Variants in FGD4 observed in about 807,000 individuals in gnomAD.
The protein encoded by FGD4 is FYVE, RhoGEF and PH domain containing 4.
Under a neutral mutation model 102.0 loss-of-function variants are expected in FGD4, and 42 were observed. The observed-to-expected ratio is 0.41, with a 90% CI of 0.32 to 0.53. The LOEUF is 0.53. Among genes scored for constraint, FGD4 ranks in the 20% least tolerant of loss-of-function variants. FGD4 has a pLI of 0.21. For missense variants in FGD4, 902 were observed against 1,078.2 expected, an observed-to-expected ratio of 0.84 and a Z score of 2.29; for synonymous variants, 380 against 375.7, an observed-to-expected ratio of 1.01 and a Z score of -0.13.
chr12:32,494,250 G>A (rs1937645867), intron 1 of FGD4, among the ~76,000 whole-genome samples: 1 of 152,024 alleles, frequency 6.6e-6, no homozygotes, highest in Non-Finnish European at 1.5e-5. Context: ...ATGAGATCTC[G>A]CTATGTTGTC....
At chr12:32,534,457 GATTA>G (rs1284111129) in intron 1 of FGD4, 21 of 1,525,204 alleles carry the variant, frequency 1.4e-5, no homozygotes, top group East Asian at 2.5e-5. Context: ...AACCAGAGTA[GATTA>G]ATTATCAGTA....
intron 1 of FGD4, among the ~76,000 whole-genome samples, chr12:32,539,570 A>T (rs367790935): frequency 7.5e-6 from 1 of 132,660 alleles, no homozygotes; most frequent in South Asian, 3.0e-4. Context: ...ACTCTGTCTC[A>T]GGGGGGAAAA....
At chr12:32,423,591 C>CAAAAAA (rs35872227) in intron 1 of FGD4, among the ~76,000 whole-genome samples, 1 of 72,888 alleles carries the variant, frequency 1.4e-5, no homozygotes, top group Non-Finnish European at 3.2e-5. Flanking sequence ...GACTTCATCT[C>CAAAAAA]AAAAAAAAAA....
intron 1 of FGD4, among the ~76,000 whole-genome samples, chr12:32,431,593 G>A (rs1002447752): frequency 8.6e-5 from 13 of 151,802 alleles, no homozygotes; most frequent in Non-Finnish European, 1.6e-4. Flanking sequence ...CCCTCAACCT[G>A]TCCCCAACAA....
chr12:32,564,038 G>GGAGA, intron 1 of FGD4, 99 bp from the exon 2 acceptor site: 5 of 1,115,416 alleles, frequency 4.5e-6, no homozygotes, highest in Non-Finnish European at 6.2e-6. Flanking sequence ...GGAGGGGGAG[G>GGAGA]GGGAGGGAGA....
chr12:32,554,812 G>A (rs1040384648), intron 1 of FGD4, among the ~76,000 whole-genome samples: 6 of 152,214 alleles, frequency 3.9e-5, no homozygotes, highest in African/African-American at 1.4e-4. Flanking sequence ...TAGTTTGCTC[G>A]GCCTGTTGGA....
chr12:32,427,825 T>C (rs1941899610), intron 1 of FGD4, among the ~76,000 whole-genome samples: 1 of 152,238 alleles, frequency 6.6e-6, no homozygotes, highest in Non-Finnish European at 1.5e-5. Flanking sequence ...AATGGCCTTC[T>C]TTGTCTCTCT....
intron 1 of FGD4, among the ~76,000 whole-genome samples, chr12:32,441,334 G>A (rs76828179): frequency 0.08 from 12,187 of 152,000 alleles, 590 homozygotes; most frequent in Middle Eastern, 0.12. Context: ...GTTATTCAGC[G>A]TCTAAAGTCT....
At chr12:32,438,047 A>G (rs1942292853) in intron 1 of FGD4, among the ~76,000 whole-genome samples, 1 of 152,182 alleles carries the variant, frequency 6.6e-6, no homozygotes, top group African/African-American at 2.4e-5. Flanking sequence ...ATACGCCATC[A>G]TGTCCGGGTA....
intron 8 of FGD4, among the ~76,000 whole-genome samples, chr12:32,610,176 G>T (rs79658571): frequency 0.011 from 1,733 of 152,268 alleles, 14 homozygotes; most frequent in South Asian, 0.054. Flanking sequence ...TTTAAATCTG[G>T]CCCTTCAATA....
At chr12:32,431,778 A>G (rs575049188) in intron 1 of FGD4, among the ~76,000 whole-genome samples, 1 of 152,190 alleles carries the variant, frequency 6.6e-6, no homozygotes, top group South Asian at 2.1e-4. Context: ...GTCTTAAAAA[A>G]AAAAAAAGAA....
At chr12:32,473,653 C>G (rs1246643713) in intron 1 of FGD4, among the ~76,000 whole-genome samples, 1 of 152,168 alleles carries the variant, frequency 6.6e-6, no homozygotes, top group Non-Finnish European at 1.5e-5. Flanking sequence ...CCGGACACAC[C>G]TGGGTGCAGC....
chr12:32,432,226 A>ATT (rs1312715829), intron 1 of FGD4, among the ~76,000 whole-genome samples: 2 of 151,362 alleles, frequency 1.3e-5, no homozygotes, highest in Non-Finnish European at 3.0e-5. Context: ...TGCCCAGCTA[A>ATT]TTTTTTGTAT....
At chr12:32,410,553 A>C (rs771508793) in intron 1 of FGD4, among the ~76,000 whole-genome samples, 1 of 152,144 alleles carries the variant, frequency 6.6e-6, no homozygotes, top group Non-Finnish European at 1.5e-5. Context: ...TCGGTTCTTG[A>C]ATTGCAGTTG....
At chr12:32,481,895 T>C (rs1943777139) in intron 1 of FGD4, among the ~76,000 whole-genome samples, 1 of 152,136 alleles carries the variant, frequency 6.6e-6, no homozygotes, top group African/African-American at 2.4e-5. Flanking sequence ...ATGTTTCAAG[T>C]GCTCATGTGG....
intron 1 of FGD4, among the ~76,000 whole-genome samples, chr12:32,412,899 A>ATTTGTTTT (rs1941263215): frequency 1.1e-5 from 1 of 87,020 alleles, no homozygotes; most frequent in South Asian, 4.1e-4. Context: ...TTTTCTAGAA[A>ATTTGTTTT]TTTTTTTTTT....
intron 1 of FGD4, among the ~76,000 whole-genome samples, chr12:32,534,899 G>A (rs1049805553): frequency 6.6e-6 from 1 of 152,214 alleles, no homozygotes; most frequent in African/African-American, 2.4e-5. Context: ...ACTGCACGGA[G>A]CATTGTTCTG....
At chr12:32,525,347 A>G (rs756047663) in intron 1 of FGD4, among the ~76,000 whole-genome samples, 2 of 152,220 alleles carry the variant, frequency 1.3e-5, no homozygotes, top group Non-Finnish European at 2.9e-5. Flanking sequence ...ACATATGGCT[A>G]TGTGTCCATA....
intron 1 of FGD4, among the ~76,000 whole-genome samples, chr12:32,491,846 A>T (rs1161682305): frequency 6.6e-6 from 1 of 152,218 alleles, no homozygotes; most frequent in African/African-American, 2.4e-5. Flanking sequence ...GTGGAAGGGT[A>T]GACTGGATTA....
Sources: allele counts gnomAD v4.1 joint callset (sites outside exome capture counted in the v4.1 genomes callset), GRCh38; gene constraint gnomAD v4.1.1; transcripts MANE v1.5; gene names NCBI Gene and HGNC (gene_info 2026-07-23, HGNC 2026-07-21).